The following ARHGAP18 variants were observed in gnomAD, a reference collection of about 807,000 sequenced individuals.
The protein encoded by ARHGAP18 is rho GTPase-activating protein 18.
A neutral mutation model predicts 86.2 loss-of-function variants in ARHGAP18; 67 were observed. The observed-to-expected ratio is 0.78, with a 90% confidence interval of 0.64 to 0.95. The LOEUF (loss-of-function observed/expected upper bound fraction) is 0.95. ARHGAP18 is among the 40% of genes least tolerant of loss of function. ARHGAP18 has a pLI of 0.00. For synonymous variants in ARHGAP18, 283 were observed against 280.4 expected, an observed-to-expected ratio of 1.01 and a Z score of -0.09; for missense variants, 691 against 780.4, an observed-to-expected ratio of 0.89 and a Z score of 1.37.
intron 5 of ARHGAP18, among the ~76,000 whole-genome samples, chr6:129,620,059 C>T (rs1789196301): frequency 6.6e-6 from 1 of 152,082 alleles, no homozygotes; most frequent in Non-Finnish European, 1.5e-5. Context: ...TATGTGGTTG[C>T]TACTGCAGGT....
At chr6:129,671,591 T>C (rs1894643) in intron 1 of ARHGAP18, among the ~76,000 whole-genome samples, 53,714 of 151,858 alleles carry the variant, frequency 0.35, 9,640 homozygotes, top group Middle Eastern at 0.39. Context: ...GTTCTATTAA[T>C]AGCTACTCGG....
intron 1 of ARHGAP18, among the ~76,000 whole-genome samples, 165 bp downstream of exon 1, chr6:129,709,859 G>A (rs916315165): frequency 6.6e-6 from 1 of 152,260 alleles, no homozygotes; most frequent in African/African-American, 2.4e-5. Flanking sequence ...GACTAGGTGA[G>A]ATGAAAAGTA....
intron 12 of ARHGAP18, among the ~76,000 whole-genome samples, chr6:129,590,354 C>T (rs988674204): frequency 1.3e-5 from 2 of 152,124 alleles, no homozygotes; most frequent in African/African-American, 4.8e-5. Flanking sequence ...CCACATCTGA[C>T]CCAGGAATCT....
At chr6:129,692,201 G>A (rs1774541327) in intron 1 of ARHGAP18, among the ~76,000 whole-genome samples, 1 of 152,206 alleles carries the variant, frequency 6.6e-6, no homozygotes, top group Non-Finnish European at 1.5e-5. Context: ...CATTTCTGTG[G>A]ATTTTGTTTT....
intron 1 of ARHGAP18, among the ~76,000 whole-genome samples, chr6:129,645,354 T>C (rs535097486): frequency 1.3e-5 from 2 of 152,350 alleles, no homozygotes; most frequent in African/African-American, 4.8e-5. Flanking sequence ...GATATCATGT[T>C]CATTCTGCAA....
At chr6:129,690,392 CTCAAG>C (rs1354318202) in intron 1 of ARHGAP18, among the ~76,000 whole-genome samples, 4 of 152,234 alleles carry the variant, frequency 2.6e-5, no homozygotes, top group African/African-American at 4.8e-5. Flanking sequence ...TTACCCTCAT[CTCAAG>C]TCATCAATTA....
At chr6:129,623,686 A>G (rs2114476338) in intron 5 of ARHGAP18, among the ~76,000 whole-genome samples, 1 of 152,288 alleles carries the variant, frequency 6.6e-6, no homozygotes, top group Non-Finnish European at 1.5e-5. Flanking sequence ...TTTTTCAACC[A>G]TGGGAAAGAC....
intron 1 of ARHGAP18, among the ~76,000 whole-genome samples, chr6:129,708,232 C>G (rs1218954344): frequency 3.3e-5 from 5 of 152,148 alleles, no homozygotes; most frequent in Admixed American, 1.3e-4. Flanking sequence ...GGAACGATCC[C>G]TAGAACTAAT....
rs577055287 is a variant in ARHGAP18 at position 129,708,338 on chromosome 6, T to C, written c.113+1686A>G. ...GTGGCCCCACACAGGGCACTTGCCGTGTGGGCAGCTGCCCACCCTGCCACC... is the reference window on the plus strand; with the variant it reads ...GTGGCCCCACACAGGGCACTTGCCGCGTGGGCAGCTGCCCACCCTGCCACC... On this transcript the variant is annotated intron_variant, in intron 1 of 14. Transcript: ENST00000368149. Among the ~76,000 whole-genome samples the C allele has an allele frequency of 4.3e-4, 65 of 152,294 alleles. No individual in the cohort carries two copies. In the East Asian group the frequency reaches 9.3e-3, roughly 22 times the overall value.
intron 12 of ARHGAP18, 55 bp from the exon 13 acceptor site, chr6:129,584,167 T>C: frequency 6.2e-7 from 1 of 1,608,020 alleles, no homozygotes. Context: ...AACGTGTAAC[T>C]CTACAATGCA....
At chr6:129,635,125 G>A (rs931587348) in intron 3 of ARHGAP18, among the ~76,000 whole-genome samples, 29 of 152,150 alleles carry the variant, frequency 1.9e-4, no homozygotes, top group African/African-American at 7.0e-4. Flanking sequence ...GGAATTCAGA[G>A]GTCAGGAAGA....
At chr6:129,694,620 C>T (rs147493725) in intron 1 of ARHGAP18, among the ~76,000 whole-genome samples, 1 of 152,286 alleles carries the variant, frequency 6.6e-6, no homozygotes, top group Non-Finnish European at 1.5e-5. Context: ...ATACAAAACG[C>T]TTAAAATGCT....
chr6:129,602,421 AC>A (rs2114450723), intron 10 of ARHGAP18, among the ~76,000 whole-genome samples: 1 of 152,154 alleles, frequency 6.6e-6, no homozygotes, highest in East Asian at 1.9e-4. Flanking sequence ...TAAAATCCCT[AC>A]CCTAAAAAGG....
chr6:129,644,574 CCTTA>C (rs1415584924), intron 1 of ARHGAP18, among the ~76,000 whole-genome samples: 2 of 152,138 alleles, frequency 1.3e-5, no homozygotes, highest in African/African-American at 4.8e-5. Flanking sequence ...AAATTGACCA[CCTTA>C]CTTCTGTCTC....
At chr6:129,641,718 C>G (rs1773467381) in intron 2 of ARHGAP18, 98 bp downstream of exon 2, 1 of 1,163,146 alleles carries the variant, frequency 8.6e-7, no homozygotes, top group Admixed American at 2.4e-5. Flanking sequence ...TTTTGGTGGT[C>G]CTAGCTTTAA....
At chr6:129,694,944 A>G (rs1309637965) in intron 1 of ARHGAP18, among the ~76,000 whole-genome samples, 1 of 152,212 alleles carries the variant, frequency 6.6e-6, no homozygotes. Context: ...TGTAAAGCAT[A>G]TGGTAGCAAG....
At chr6:129,637,048 C>G (rs1005595082) in intron 3 of ARHGAP18, among the ~76,000 whole-genome samples, 3 of 151,912 alleles carry the variant, frequency 2.0e-5, no homozygotes, top group African/African-American at 7.3e-5. Context: ...AGTTCTTGTA[C>G]TGTTTTGTTG....
At chr6:129,594,918 G>C (rs1788585778) in intron 12 of ARHGAP18, among the ~76,000 whole-genome samples, 1 of 152,044 alleles carries the variant, frequency 6.6e-6, no homozygotes, top group African/African-American at 2.4e-5. Flanking sequence ...CCAGAGTTTT[G>C]GTATATATCC....
In ARHGAP18 at chr6:129,710,082, C is replaced by G. The variant is rs1388692124; in HGVS notation, c.55G>C (p.Gly19Arg). 4 of 1,614,134 alleles carry G rather than the reference C, an allele frequency of 2.5e-6. No individual in the cohort carries two copies. The highest frequency in any genetic ancestry group is 2.5e-6 in the Non-Finnish European group (3 of 1,179,984). Reference sequence around the variant, plus strand: ...CTGTTCCCGACGGTCTGGTCCTTGCCGCTGGGGTGGTAGGCTGTTAGTACC... The same window carrying G: ...CTGTTCCCGACGGTCTGGTCCTTGCGGCTGGGGTGGTAGGCTGTTAGTACC... ...GVVLTAYHPS[G>R]KDQTVGNSHA... The change falls in exon 1 of 15, where the codon GGC becomes CGC. Residue 19 changes from glycine to arginine, a missense_variant. Transcript: ENST00000368149.
Sources: allele counts gnomAD v4.1 joint callset (sites outside exome capture counted in the v4.1 genomes callset), GRCh38; gene constraint gnomAD v4.1.1; transcripts MANE v1.5; gene names NCBI Gene and HGNC (gene_info 2026-07-23, HGNC 2026-07-21).